The following ADCY8 variants were observed in gnomAD, a reference collection of about 807,000 sequenced individuals.
ADCY8 encodes adenylate cyclase 8.
In ADCY8, 51 loss-of-function variants were observed where a neutral mutation model predicts 119.7. The observed-to-expected ratio is 0.43, with a 90% CI of 0.34 to 0.54. The LOEUF is 0.54. ADCY8 is among the 20% of genes least tolerant of loss of function. The pLI, the probability that ADCY8 is intolerant of heterozygous loss-of-function variation, is 0.03. For missense variants in ADCY8, 1,383 were observed against 1,598.8 expected (o/e 0.87, Z 2.30); for synonymous variants, 665 against 651.0 (o/e 1.02, Z -0.33).
At chr8:130,868,222 G>A (rs1053190813) in intron 8 of ADCY8, among the ~76,000 whole-genome samples, 14 of 152,204 alleles carry the variant, frequency 9.2e-5, no homozygotes, top group African/African-American at 3.4e-4. Flanking sequence ...ACAGAAGAGC[G>A]CACATCCATA....
At chr8:130,888,617 G>C (rs1267597413) in intron 7 of ADCY8, among the ~76,000 whole-genome samples, 1 of 152,100 alleles carries the variant, frequency 6.6e-6, no homozygotes, top group Admixed American at 6.6e-5. Flanking sequence ...ATGAGAACCA[G>C]AGTTCCTTCT....
At chr8:130,935,911 C>T (rs928067808) in intron 5 of ADCY8, among the ~76,000 whole-genome samples, 1 of 152,112 alleles carries the variant, frequency 6.6e-6, no homozygotes, top group Admixed American at 6.5e-5. Context: ...ACTGATTTTT[C>T]CATGGTATGC....
intron 12 of ADCY8, among the ~76,000 whole-genome samples, chr8:130,825,044 CT>C (rs1402161484): frequency 1.3e-5 from 2 of 152,070 alleles, no homozygotes; most frequent in Non-Finnish European, 2.9e-5. Context: ...CTTCTTGATT[CT>C]TTTTAATTTT....
intron 8 of ADCY8, among the ~76,000 whole-genome samples, chr8:130,875,525 C>T (rs892123649): frequency 6.6e-6 from 1 of 152,072 alleles, no homozygotes; most frequent in African/African-American, 2.4e-5. Context: ...TCTGAATGTC[C>T]CCAAGACAAA....
intron 12 of ADCY8, among the ~76,000 whole-genome samples, chr8:130,827,970 ATGTTGGC>A (rs1206328244): frequency 6.6e-6 from 1 of 152,212 alleles, no homozygotes; most frequent in East Asian, 1.9e-4. Flanking sequence ...GTTACTGGGC[ATGTTGGC>A]TGTGTTTGAA....
chr8:131,006,246 A>G (rs973938819), intron 1 of ADCY8, among the ~76,000 whole-genome samples: 2 of 152,058 alleles, frequency 1.3e-5, no homozygotes, highest in African/African-American at 2.4e-5. Context: ...TGTGGGCAGG[A>G]GTTACTGCCA....
intron 2 of ADCY8, among the ~76,000 whole-genome samples, chr8:130,980,766 C>T (rs1727575090): frequency 6.6e-6 from 1 of 152,238 alleles, no homozygotes; most frequent in African/African-American, 2.4e-5. Context: ...TCTGTCTCAA[C>T]TTTCTAGATT....
At chr8:130,826,971 G>A (rs982678162) in intron 12 of ADCY8, among the ~76,000 whole-genome samples, 11 of 152,068 alleles carry the variant, frequency 7.2e-5, no homozygotes, top group Admixed American at 5.2e-4. Flanking sequence ...TGTAAATGAC[G>A]AGTTAATGGG....
intron 15 of ADCY8, among the ~76,000 whole-genome samples, chr8:130,795,618 G>C (rs1026295887): frequency 3.9e-5 from 6 of 152,156 alleles, no homozygotes; most frequent in Non-Finnish European, 8.8e-5. Context: ...ATGTCATCCT[G>C]GGGTGGACAG....
intron 15 of ADCY8, among the ~76,000 whole-genome samples, chr8:130,788,340 A>G (rs768478060): frequency 1.3e-5 from 2 of 152,242 alleles, no homozygotes; most frequent in Non-Finnish European, 2.9e-5. Context: ...ATTTTAGAAA[A>G]CATGGATGAA....
intron 2 of ADCY8, among the ~76,000 whole-genome samples, chr8:130,980,618 G>A (rs1009014621): frequency 6.6e-6 from 1 of 152,192 alleles, no homozygotes; most frequent in African/African-American, 2.4e-5. Context: ...GGTGCTGTTT[G>A]TTCACTAAGA....
intron 7 of ADCY8, among the ~76,000 whole-genome samples, chr8:130,899,111 T>G (rs988519734): frequency 6.6e-6 from 1 of 152,220 alleles, no homozygotes; most frequent in African/African-American, 2.4e-5. Context: ...TCAGGGTGTC[T>G]GCACTGCTTT....
At chr8:130,851,333 AG>A (rs1305269088) in intron 9 of ADCY8, among the ~76,000 whole-genome samples, 1 of 152,210 alleles carries the variant, frequency 6.6e-6, no homozygotes, top group Non-Finnish European at 1.5e-5. Flanking sequence ...AAAATAGGAA[AG>A]GGAATCAAGG....
At position 131,040,520 on chromosome 8, in the gene ADCY8, G is replaced by A. The variant is rs950859669; in HGVS notation, c.-187C>T. 14 of 571,368 alleles carry A rather than the reference G, an allele frequency of 2.5e-5. No individual in the cohort carries two copies. The highest frequency in any genetic ancestry group is 3.9e-5 in the African/African-American group (2 of 51,560). The allele number at this position is 571,368 out of a possible 1,614,324, so 35.4% of individuals were successfully genotyped here. On this transcript the variant is annotated 5_prime_UTR_variant, in exon 1 of 18. Coordinates refer to ENST00000286355, the MANE Select transcript of ADCY8 (RefSeq NM_001115.3). ...GTCATACTGTGCCCAGGGGCAAAGGGCACCTGGAAGATCGCGGCGGACCTC... is the reference window on the plus strand; with the variant it reads ...GTCATACTGTGCCCAGGGGCAAAGGACACCTGGAAGATCGCGGCGGACCTC...
chr8:130,982,800 A>G (rs973278680), intron 2 of ADCY8, among the ~76,000 whole-genome samples: 4 of 152,250 alleles, frequency 2.6e-5, no homozygotes, highest in African/African-American at 9.6e-5. Context: ...ACATTCAATT[A>G]GTTTGTAAAA....
chr8:130,834,869 C>T (rs888111904), intron 12 of ADCY8, among the ~76,000 whole-genome samples: 1 of 151,790 alleles, frequency 6.6e-6, no homozygotes, highest in Admixed American at 6.6e-5. Context: ...ATATATATAA[C>T]ATGGATGGGA....
In ADCY8 at chr8:130,836,290, T is replaced by G; in HGVS notation, c.2662A>C (p.Asn888His). The change falls in exon 12 of 18, where the codon AAC becomes CAC. Residue 888 changes from asparagine (N) to histidine (H), a missense_variant. This residue lies in a region of ADCY8 where 928 missense variants were observed against 1,163.5 expected (regional missense o/e 0.80). Coordinates refer to ENST00000286355, the MANE Select transcript of ADCY8 (RefSeq NM_001115.3). Reference protein sequence around the residue: ...AGLFLRYDNLNHSGEDFLGTK... With the variant: ...AGLFLRYDNLHHSGEDFLGTK... Reference sequence around the variant, plus strand: ...GTGGGCACTTACTCTCCACTGTGGTTGAGGTTGTCATAACGCAGAAAGAGG... The same window carrying G: ...GTGGGCACTTACTCTCCACTGTGGTGGAGGTTGTCATAACGCAGAAAGAGG... 1.2e-6 allele frequency: 2 copies of G among 1,613,220 alleles called. No individual in the cohort carries two copies. Among genetic ancestry groups the G allele is most frequent in the Non-Finnish European group, 1.7e-6 (2 of 1,179,506 alleles).
chr8:130,841,017 C>G (rs1302093448), intron 11 of ADCY8, among the ~76,000 whole-genome samples: 1 of 152,020 alleles, frequency 6.6e-6, no homozygotes, highest in Non-Finnish European at 1.5e-5. Flanking sequence ...AAAATGTAGA[C>G]AGGAGAAGAC....
At chr8:130,997,232 TATATACATATAC>T (rs1468456381) in intron 1 of ADCY8, among the ~76,000 whole-genome samples, 3 of 51,138 alleles carry the variant, frequency 5.9e-5, no homozygotes, top group Non-Finnish European at 1.4e-4. Flanking sequence ...AAGAAATATA[TATATACATATAC>T]ATATATACAT....
Sources: allele counts gnomAD v4.1 joint callset (sites outside exome capture counted in the v4.1 genomes callset), GRCh38; gene constraint gnomAD v4.1.1; regional missense constraint gnomAD v4.1.1; transcripts MANE v1.5; gene names NCBI Gene and HGNC (gene_info 2026-07-23, HGNC 2026-07-21).